Variants in FER observed in about 807,000 individuals in gnomAD.
FER encodes the protein tyrosine-protein kinase Fer.
Under a neutral mutation model 111.0 loss-of-function variants are expected in FER, and 63 were observed. That is an observed-to-expected ratio of 0.57 (90% CI 0.46 to 0.70). The LOEUF (loss-of-function observed/expected upper bound fraction) is 0.70, where lower values mean the gene tolerates loss of function less well. FER is among the 30% of genes least tolerant of loss of function. FER has a pLI of 0.00. For synonymous variants in FER, 327 were observed against 313.9 expected (o/e 1.04, Z -0.44); for missense variants, 914 against 954.0 (o/e 0.96, Z 0.55).
In FER at chr5:108,945,110, A is replaced by G. The variant is rs149309186; in HGVS notation, c.1237-1020A>G. On this transcript the variant is annotated intron_variant, in intron 10 of 19. Transcript: ENST00000281092. ...CAGAGATATACCCTAGGTATTGGAGACAAAAGAAACAAAAGATGTTATTTG... is the reference window on the plus strand; with the variant it reads ...CAGAGATATACCCTAGGTATTGGAGGCAAAAGAAACAAAAGATGTTATTTG... Among the ~76,000 whole-genome samples, 5 of 152,268 alleles carry G rather than the reference A, an allele frequency of 3.3e-5. No individual in the cohort carries two copies. In the East Asian group the frequency reaches 9.6e-4, roughly 29 times the overall value.
chr5:109,001,123 C>T (rs988488554), intron 13 of FER, among the ~76,000 whole-genome samples: 1 of 152,110 alleles, frequency 6.6e-6, no homozygotes, highest in Admixed American at 6.6e-5. Flanking sequence ...TCCTCCCTAA[C>T]TCATTTTATA....
intron 2 of FER, among the ~76,000 whole-genome samples, chr5:108,770,700 A>G (rs890420089): frequency 2.0e-4 from 30 of 152,062 alleles, no homozygotes; most frequent in Admixed American, 5.9e-4. Context: ...CAAGCATCTC[A>G]CCCTTAGATG....
At chr5:108,841,829 A>G in intron 5 of FER, 2 of 428,090 alleles carry the variant, frequency 4.7e-6, no homozygotes, top group Non-Finnish European at 9.2e-6. Flanking sequence ...ATGTCTTATC[A>G]GTGAAGAAGT....
intron 13 of FER, among the ~76,000 whole-genome samples, chr5:109,011,246 G>A (rs182395768): frequency 1.6e-4 from 24 of 152,154 alleles, no homozygotes; most frequent in African/African-American, 5.1e-4. Context: ...AATTCAGTGA[G>A]ATATTGAGAA....
intron 13 of FER, among the ~76,000 whole-genome samples, chr5:108,961,517 A>T (rs868557059): frequency 6.6e-6 from 1 of 152,210 alleles, no homozygotes; most frequent in Middle Eastern, 3.2e-3. Flanking sequence ...AGAACTAGCT[A>T]TGAAAATAAA....
At chr5:109,168,507 G>A (rs1756780865) in intron 17 of FER, among the ~76,000 whole-genome samples, 1 of 152,062 alleles carries the variant, frequency 6.6e-6, no homozygotes, top group Non-Finnish European at 1.5e-5. Context: ...AAACCCAAAA[G>A]GACAGTGTTT....
intron 13 of FER, among the ~76,000 whole-genome samples, chr5:109,026,869 C>T (rs537930454): frequency 3.3e-5 from 5 of 151,904 alleles, no homozygotes; most frequent in Non-Finnish European, 4.4e-5. Context: ...TTAGTAGAAA[C>T]GGGGTTTTAC....
chr5:109,194,396 T>A lies in FER; in HGVS notation c.*6821T>A, dbSNP rs190070525. ...CCAGAGCACATTGCATGAAAATACCTGTACTCTGCAGTTCCTCAAAGCAGT... is the reference window on the plus strand; with the variant it reads ...CCAGAGCACATTGCATGAAAATACCAGTACTCTGCAGTTCCTCAAAGCAGT... On this transcript the variant is annotated 3_prime_UTR_variant, in exon 20 of 20. Coordinates refer to ENST00000281092, the MANE Select transcript of FER (RefSeq NM_005246.4). 2.6e-5 allele frequency: 4 copies of A among 152,210 alleles called. No homozygotes were observed. Among genetic ancestry groups the A allele is most frequent in the Non-Finnish European group, 5.9e-5 (4 of 68,048 alleles). The allele number at this position is 152,210 out of a possible 1,614,324, so 9.4% of individuals were successfully genotyped here.
rs2126919839 is a variant in FER, at chr5:109,195,636, T to G, written c.*8061T>G. 1 of 152,246 alleles carries G rather than the reference T, an allele frequency of 6.6e-6. No homozygotes were observed. The highest frequency in any genetic ancestry group is 2.1e-4 in the South Asian group (1 of 4,822). The allele number at this position is 152,246 out of a possible 1,614,324, so 9.4% of individuals were successfully genotyped here. A position where few individuals can be genotyped will look rare whatever the true frequency, so the allele number is the denominator to read the frequency against. On this transcript the variant is annotated 3_prime_UTR_variant, in exon 20 of 20. Coordinates refer to ENST00000281092, the MANE Select transcript of FER (RefSeq NM_005246.4). ...ACCAAAGTGTCCAAAGACATGAAAC[T>G]CTTATACCTGCTGAGCATTTCACTT...
chr5:108,910,322 A>G (rs905827617), intron 10 of FER, among the ~76,000 whole-genome samples: 3 of 152,180 alleles, frequency 2.0e-5, no homozygotes, highest in Non-Finnish European at 4.4e-5. Flanking sequence ...TTATCTTTTA[A>G]AATTTCACAT....
chr5:108,753,049 C>G (rs190960794), intron 1 of FER, among the ~76,000 whole-genome samples: 2 of 151,992 alleles, frequency 1.3e-5, no homozygotes, highest in Non-Finnish European at 2.9e-5. Flanking sequence ...ATTTTCTCAT[C>G]TATTCAATAG....
chr5:108,971,328 G>A (rs1760641916), intron 13 of FER, among the ~76,000 whole-genome samples: 1 of 149,718 alleles, frequency 6.7e-6, no homozygotes, highest in African/African-American at 2.5e-5. Flanking sequence ...TCTCAGTACT[G>A]GAGAAAAATA....
chr5:109,127,974 T>C (rs1751927954), intron 17 of FER, among the ~76,000 whole-genome samples: 1 of 152,206 alleles, frequency 6.6e-6, no homozygotes, highest in African/African-American at 2.4e-5. Flanking sequence ...ATCTTGTTTT[T>C]ACAGTACTGC....
intron 5 of FER, chr5:108,842,115 T>A (rs1171977790): frequency 1.1e-5 from 2 of 174,618 alleles, no homozygotes; most frequent in African/African-American, 4.8e-5. Context: ...TGATGTGATA[T>A]CTGAGGTTTG....
At chr5:109,154,190 T>C (rs1450722052) in intron 17 of FER, among the ~76,000 whole-genome samples, 14 of 151,972 alleles carry the variant, frequency 9.2e-5, no homozygotes, top group Non-Finnish European at 2.9e-5. Flanking sequence ...TTTGACATTA[T>C]ACTTCTTCAC....
rs1300986194 is a variant in FER, at chr5:108,954,752, T to A, written c.1353T>A (p.Ser451Arg). 6.2e-7 allele frequency: 1 copy of A among 1,604,768 alleles called. No individual in the cohort carries two copies. The highest frequency in any genetic ancestry group is 8.5e-7 in the Non-Finnish European group (1 of 1,174,938). ...AGCTTTCTGATATGATCTCCATCAG[T>A]GAGAAGCCTTTGGCAGAACAGGACT... ...SSALSDMISI[S>R]EKPLAEQDWY... The change falls in exon 12 of 20, where the codon AGT (serine) becomes AGA (arginine). Residue 451 changes from serine to arginine, a missense_variant. By Grantham distance (110) the Ser-to-Arg change is moderately radical. Coordinates refer to ENST00000281092, the MANE Select transcript of FER (RefSeq NM_005246.4).
intron 13 of FER, among the ~76,000 whole-genome samples, chr5:109,009,017 T>A (rs1765873928): frequency 6.6e-6 from 1 of 151,390 alleles, no homozygotes; most frequent in Admixed American, 6.6e-5. Context: ...AAGCTTTCAT[T>A]TCACTAGTCT....
intron 16 of FER, among the ~76,000 whole-genome samples, chr5:109,078,243 G>A (rs558483663): frequency 8.3e-4 from 126 of 152,252 alleles, no homozygotes; most frequent in Admixed American, 1.8e-3. Flanking sequence ...TCAAGGATAC[G>A]TCCATGGAAT....
intron 2 of FER, among the ~76,000 whole-genome samples, chr5:108,777,976 G>C (rs1753677104): frequency 6.6e-6 from 1 of 152,058 alleles, no homozygotes; most frequent in Admixed American, 6.6e-5. Flanking sequence ...ATTTGGGTGG[G>C]GACACAGAAC....
Sources: gnomAD v4.1 joint callset for allele counts (sites outside exome capture counted in the v4.1 genomes callset) on GRCh38, gnomAD v4.1.1 for gene constraint, MANE v1.5 for transcripts, NCBI Gene and HGNC (gene_info 2026-07-23, HGNC 2026-07-21) for gene names.